TMEM182: variants seen among roughly 807,000 people sequenced by gnomAD.
TMEM182 encodes transmembrane protein 182.
A neutral mutation model predicts 26.8 loss-of-function variants in TMEM182; 20 were observed. The ratio of observed to expected loss-of-function variants is 0.75; its 90% CI spans 0.53 to 1.09. TMEM182 has a LOEUF of 1.09. TMEM182 is among the 50% of genes least tolerant of loss of function. TMEM182 has a pLI of 0.00. For missense variants in TMEM182, 277 were observed against 275.5 expected, an observed-to-expected ratio of 1.01 and a Z score of -0.04; for synonymous variants, 109 against 102.2, an observed-to-expected ratio of 1.07 and a Z score of -0.40.
chr2:102,827,856 C>T (rs1683065475), intron 3 of TMEM182, among the ~76,000 whole-genome samples: 1 of 152,146 alleles, frequency 6.6e-6, no homozygotes, highest in African/African-American at 2.4e-5. Context: ...CCTGTAATCC[C>T]AGCACTTTGG....
chr2:102,832,478 G>C (rs1683172192), intron 3 of TMEM182, among the ~76,000 whole-genome samples: 1 of 152,148 alleles, frequency 6.6e-6, no homozygotes, highest in African/African-American at 2.4e-5. Context: ...GAAGATACTG[G>C]GGCCAGGATG....
chr2:102,772,941 T>G (rs762523756), intron 3 of TMEM182, among the ~76,000 whole-genome samples: 78 of 146,952 alleles, frequency 5.3e-4, no homozygotes, highest in Non-Finnish European at 8.3e-4. Flanking sequence ...CTCTGAAGGG[T>G]GTGTGTGTGT....
In TMEM182 at chr2:102,762,250, T is replaced by G. The variant is rs779907953; in HGVS notation, c.33T>G (p.Ala11=). The G allele has an allele frequency of 1.2e-5, 20 of 1,613,712 alleles. No individual in the cohort carries two copies. In the East Asian group the frequency reaches 4.0e-4, roughly 32 times the overall value. The part of the protein sequence containing the change: MRLNIAIFFG[A]LFGALGVLLF... The stretch of plus-strand genomic sequence containing the variant: ...TAAATATCGCTATCTTCTTTGGAGC[T>G]CTCTTTGGTGCTTTGGGGGTGTTAC... The change falls in exon 1 of 5, where the codon GCT becomes GCG. Residue 11 remains alanine (A), a synonymous_variant. Transcript: ENST00000412401.
At chr2:102,747,070 G>A (rs1248516721) in intron 1 of TMEM182, among the ~76,000 whole-genome samples, 1 of 152,218 alleles carries the variant, frequency 6.6e-6, no homozygotes, top group Non-Finnish European at 1.5e-5. Flanking sequence ...TTCTACTGGG[G>A]AGTGGGTCAT....
chr2:102,811,983 A>G (rs1193734672), intron 4 of TMEM182, among the ~76,000 whole-genome samples: 1 of 152,238 alleles, frequency 6.6e-6, no homozygotes, highest in Non-Finnish European at 1.5e-5. Flanking sequence ...AAAGAGAGCC[A>G]CAAAATATAT....
At chr2:102,747,064 A>G (rs1053254742) in intron 1 of TMEM182, among the ~76,000 whole-genome samples, 1 of 152,224 alleles carries the variant, frequency 6.6e-6, no homozygotes, top group Non-Finnish European at 1.5e-5. Context: ...TACTTGTTCT[A>G]CTGGGGAGTG....
intron 3 of TMEM182, among the ~76,000 whole-genome samples, chr2:102,791,487 C>G (rs1272485415): frequency 6.6e-6 from 1 of 152,176 alleles, no homozygotes; most frequent in African/African-American, 2.4e-5. Context: ...TTCTCCAGAA[C>G]TATTTATACA....
At chr2:102,825,025 T>G (rs1419945438) in intron 3 of TMEM182, among the ~76,000 whole-genome samples, 1 of 152,198 alleles carries the variant, frequency 6.6e-6, no homozygotes, top group Admixed American at 6.5e-5. Context: ...TACAAATATA[T>G]TCCAAATTGC....
At chr2:102,750,811 G>A (rs137860169) in intron 1 of TMEM182, among the ~76,000 whole-genome samples, 283 of 152,308 alleles carry the variant, frequency 1.9e-3, no homozygotes, top group African/African-American at 6.6e-3. Context: ...CACCCACTGT[G>A]TTCACAGTGA....
At chr2:102,785,508 A>T (rs1211230457) in intron 3 of TMEM182, among the ~76,000 whole-genome samples, 1 of 152,226 alleles carries the variant, frequency 6.6e-6, no homozygotes, top group Non-Finnish European at 1.5e-5. Flanking sequence ...GTGCTCTCCT[A>T]GCCTAGCACA....
chr2:102,790,762 A>G (rs1158264858), intron 3 of TMEM182, among the ~76,000 whole-genome samples: 2 of 152,138 alleles, frequency 1.3e-5, no homozygotes, highest in African/African-American at 2.4e-5. Flanking sequence ...CCTTTGACCT[A>G]TGCTTGAATC....
At chr2:102,826,301 CTT>C (rs375776814) in intron 3 of TMEM182, among the ~76,000 whole-genome samples, 42 of 120,002 alleles carry the variant, frequency 3.5e-4, no homozygotes, top group African/African-American at 5.9e-4. Context: ...CTGCAGCTGG[CTT>C]TTTTTTTTTT....
chr2:102,841,302 C>T (rs1374020633), intron 3 of TMEM182, among the ~76,000 whole-genome samples: 2 of 152,196 alleles, frequency 1.3e-5, no homozygotes, highest in African/African-American at 4.8e-5. Context: ...CCATGTGATA[C>T]ACCAACCGTG....
intron 3 of TMEM182, among the ~76,000 whole-genome samples, chr2:102,788,277 G>A (rs562684975): frequency 6.6e-6 from 1 of 152,286 alleles, no homozygotes; most frequent in African/African-American, 2.4e-5. Flanking sequence ...ATCCTAGCAT[G>A]GGTGTTATGT....
downstream of TMEM182, among the ~76,000 whole-genome samples, chr2:102,820,371 A>G (rs979538380): frequency 6.6e-6 from 1 of 152,240 alleles, no homozygotes; most frequent in Admixed American, 6.5e-5. Flanking sequence ...ATATTATTGA[A>G]CAAAACAGAC....
chr2:102,832,156 C>T (rs1370323368), intron 3 of TMEM182, among the ~76,000 whole-genome samples: 2 of 152,168 alleles, frequency 1.3e-5, no homozygotes, highest in East Asian at 3.8e-4. Context: ...TTCTTTATTC[C>T]ACTATGCCAT....
At chr2:102,765,228 G>C (rs1174837138) in intron 3 of TMEM182, among the ~76,000 whole-genome samples, 2 of 152,096 alleles carry the variant, frequency 1.3e-5, no homozygotes, top group Non-Finnish European at 2.9e-5. Flanking sequence ...TGTAAGGCCT[G>C]GTGAGTCTGA....
intron 3 of TMEM182, among the ~76,000 whole-genome samples, chr2:102,827,247 C>A (rs1683050593): frequency 6.6e-6 from 1 of 152,234 alleles, no homozygotes; most frequent in Admixed American, 6.5e-5. Flanking sequence ...TCTCTGTAAT[C>A]CTCCTTCTCT....
intron 3 of TMEM182, among the ~76,000 whole-genome samples, chr2:102,794,666 G>C (rs1471037319): frequency 1.3e-5 from 2 of 152,080 alleles, no homozygotes; most frequent in African/African-American, 4.8e-5. Flanking sequence ...TTAGAGCCTT[G>C]GGATTATTTC....
Sources: allele counts gnomAD v4.1 joint callset (sites outside exome capture counted in the v4.1 genomes callset), GRCh38; gene constraint gnomAD v4.1.1; transcripts MANE v1.5; gene names NCBI Gene and HGNC (gene_info 2026-07-23, HGNC 2026-07-21).